Variants in RASAL2 observed in about 807,000 individuals in gnomAD.
RASAL2 encodes the protein ras GTPase-activating protein nGAP.
Under a neutral mutation model 128.9 loss-of-function variants are expected in RASAL2, and 58 were observed. That is an observed-to-expected ratio of 0.45 (90% CI 0.36 to 0.56). RASAL2 has a LOEUF of 0.56. RASAL2 is among the 20% of genes least tolerant of loss of function. The pLI, the probability that RASAL2 is intolerant of heterozygous loss-of-function variation, is 0.00. For synonymous variants in RASAL2, 561 were observed against 580.8 expected (o/e 0.97, Z 0.49); for missense variants, 1,360 against 1,601.6 (o/e 0.85, Z 2.57).
At chr1:178,250,048 T>TTC (rs1664968185) in intron 1 of RASAL2, among the ~76,000 whole-genome samples, 1 of 152,264 alleles carries the variant, frequency 6.6e-6, no homozygotes, top group African/African-American at 2.4e-5. Flanking sequence ...AGGGACCCAC[T>TTC]TGAAGAGGCA....
At chr1:178,385,702 G>A (rs1366079427) in intron 3 of RASAL2, among the ~76,000 whole-genome samples, 1 of 151,920 alleles carries the variant, frequency 6.6e-6, no homozygotes, top group Admixed American at 6.6e-5. Flanking sequence ...CCTTATATTG[G>A]CCAGTATTAT....
intron 1 of RASAL2, among the ~76,000 whole-genome samples, chr1:178,237,320 G>T (rs1664296298): frequency 6.6e-6 from 1 of 152,046 alleles, no homozygotes; most frequent in South Asian, 2.1e-4. Flanking sequence ...CAGTATTGCG[G>T]AATAAAGGGG....
At chr1:178,251,830 A>G (rs1047489640) in intron 1 of RASAL2, among the ~76,000 whole-genome samples, 21 of 152,234 alleles carry the variant, frequency 1.4e-4, no homozygotes, top group African/African-American at 5.1e-4. Flanking sequence ...TCATTAATGA[A>G]TTAGCCTTGT....
chr1:178,218,049 A>G (rs1397146637), intron 1 of RASAL2, among the ~76,000 whole-genome samples: 1 of 152,006 alleles, frequency 6.6e-6, no homozygotes, highest in Non-Finnish European at 1.5e-5. Flanking sequence ...CATAAGAAGC[A>G]ACTCCTCACC....
chr1:178,458,356 C>T lies in RASAL2; in HGVS notation c.3064C>T (p.Arg1022Ter), dbSNP rs1677933117. ...RKVDQGGLGA[R>*]AKAPPSLPHS... ...AGTGGACCAGGGTGGGTTAGGTGCCCGAGCCAAAGCCCCACCATCCCTGCC... is the reference window on the plus strand; with the variant it reads ...AGTGGACCAGGGTGGGTTAGGTGCCTGAGCCAAAGCCCCACCATCCCTGCC... The change falls in exon 14 of 18, where the codon CGA becomes TGA. Residue 1022 changes from arginine (R) to a stop codon, truncating the protein, a stop_gained. Coordinates refer to ENST00000367649, the MANE Select transcript of RASAL2 (RefSeq NM_170692.4). LOFTEE classifies it high-confidence loss of function. The T allele has an allele frequency of 1.9e-6, 3 of 1,614,168 alleles. No individual in the cohort carries two copies.
At chr1:178,161,124 G>A (rs908672906) in intron 1 of RASAL2, among the ~76,000 whole-genome samples, 9 of 137,482 alleles carry the variant, frequency 6.5e-5, no homozygotes, top group African/African-American at 2.4e-4. Context: ...AAAAAAAAAA[G>A]GATATAGTTA....
intron 1 of RASAL2, among the ~76,000 whole-genome samples, chr1:178,129,132 C>T (rs1660005112): frequency 6.6e-6 from 1 of 152,062 alleles, no homozygotes; most frequent in African/African-American, 2.4e-5. Flanking sequence ...CATATAGTCA[C>T]TCTATGTTTA....
intron 1 of RASAL2, among the ~76,000 whole-genome samples, chr1:178,192,599 A>C (rs1314305772): frequency 6.6e-6 from 1 of 152,196 alleles, no homozygotes; most frequent in Non-Finnish European, 1.5e-5. Context: ...ACACACATAC[A>C]TGTGATGTTG....
rs114578546 is a variant in RASAL2 at position 178,419,318 on chromosome 1, G to A, written c.565-1193G>A. 3.4e-3 allele frequency among the ~76,000 whole-genome samples: 517 copies of A among 152,032 alleles called. 8 individuals carry two copies. Among genetic ancestry groups the A allele is most frequent in the African/African-American group, 0.012 (479 of 41,466 alleles). On this transcript the variant is annotated intron_variant, in intron 4 of 17. Transcript: ENST00000367649. Reference sequence around the variant, plus strand: ...GGTTAGGGTTTCATTCTATTGCCCCGGCTGGAGTGCTGTGGTACAGTCATC... The same window carrying A: ...GGTTAGGGTTTCATTCTATTGCCCCAGCTGGAGTGCTGTGGTACAGTCATC...
intron 3 of RASAL2, chr1:178,372,320 T>G: frequency 1.0e-6 from 1 of 985,460 alleles, no homozygotes; most frequent in Non-Finnish European, 1.2e-6. Context: ...CTGTCATTTC[T>G]GGGTACGGTA....
intron 3 of RASAL2, among the ~76,000 whole-genome samples, chr1:178,346,205 C>A (rs1298193676): frequency 6.6e-6 from 1 of 151,930 alleles, no homozygotes; most frequent in Non-Finnish European, 1.5e-5. Context: ...TGCTTGAGGC[C>A]AGGCCTGGCA....
At chr1:178,261,383 C>A (rs186296764) in intron 1 of RASAL2, among the ~76,000 whole-genome samples, 257 of 152,134 alleles carry the variant, frequency 1.7e-3, no homozygotes, top group African/African-American at 6.0e-3. Context: ...TTTTGTATAC[C>A]TTTATAAAGA....
intron 1 of RASAL2, among the ~76,000 whole-genome samples, chr1:178,134,284 G>T (rs1049403659): frequency 1.3e-5 from 2 of 151,844 alleles, no homozygotes; most frequent in African/African-American, 2.4e-5. Context: ...TTAATCATGT[G>T]GACCTCTCTG....
chr1:178,284,571 A>T (rs1666931688), intron 2 of RASAL2, among the ~76,000 whole-genome samples: 1 of 152,190 alleles, frequency 6.6e-6, no homozygotes, highest in Non-Finnish European at 1.5e-5. Flanking sequence ...TCTTAAACTT[A>T]TCACATGCTA....
In RASAL2 at chr1:178,452,442, T is replaced by C. The variant is rs918783589; in HGVS notation, c.1799T>C (p.Val600Ala). Residue 600 changes from valine (V) to alanine (A), a missense_variant, in exon 11 of 18, where the codon GTG (valine) becomes GCG (alanine). Transcript: ENST00000367649. ...GTTTTCCCTCGTGAGTTGAAAGAAG[T>C]GTTTGCATCATGGAAGCAGCAGTGC... ...YCVFPRELKE[V>A]FASWKQQCLN... 6 of 1,613,976 alleles carry C rather than the reference T, an allele frequency of 3.7e-6. No homozygotes were observed. Among genetic ancestry groups the C allele is most frequent in the African/African-American group, 2.7e-5 (2 of 74,924 alleles).
At chr1:178,317,080 A>G (rs2102319923) in intron 3 of RASAL2, among the ~76,000 whole-genome samples, 1 of 123,302 alleles carries the variant, frequency 8.1e-6, no homozygotes, top group South Asian at 2.4e-4. Flanking sequence ...CTCTGTTTAT[A>G]TGCTGGATTA....
At chr1:178,193,082 A>C (rs1020124255) in intron 1 of RASAL2, among the ~76,000 whole-genome samples, 4 of 152,190 alleles carry the variant, frequency 2.6e-5, no homozygotes, top group African/African-American at 9.6e-5. Flanking sequence ...CAGCGAAAAA[A>C]ATATATTTAA....
intron 3 of RASAL2, among the ~76,000 whole-genome samples, chr1:178,336,444 C>T (rs1003013157): frequency 2.6e-4 from 40 of 151,920 alleles, no homozygotes; most frequent in Non-Finnish European, 3.2e-4. Flanking sequence ...TTCTTTAAAA[C>T]GAAGGCAAAA....
intron 1 of RASAL2, among the ~76,000 whole-genome samples, chr1:178,149,578 AC>A (rs988837637): frequency 2.0e-5 from 3 of 151,536 alleles, no homozygotes; most frequent in Non-Finnish European, 4.4e-5. Flanking sequence ...TTTTTAATGT[AC>A]CTTTTTGCCA....
Sources: gnomAD v4.1 joint callset for allele counts (sites outside exome capture counted in the v4.1 genomes callset) on GRCh38, gnomAD v4.1.1 for gene constraint, MANE v1.5 for transcripts, NCBI Gene and HGNC (gene_info 2026-07-23, HGNC 2026-07-21) for gene names.